The following RAPH1 variants were observed in gnomAD, a reference collection of about 807,000 sequenced individuals.
The protein encoded by RAPH1 is ras-associated and pleckstrin homology domains-containing protein 1.
Under a neutral mutation model 88.1 loss-of-function variants are expected in RAPH1, and 18 were observed. The ratio of observed to expected loss-of-function variants is 0.20; its 90% CI spans 0.14 to 0.30. RAPH1 has a LOEUF of 0.30. Ranked by LOEUF, RAPH1 falls within the 10% of genes least tolerant of loss-of-function variation. RAPH1 has a pLI of 1.00. For missense variants in RAPH1, 1,448 were observed against 1,543.2 expected, an observed-to-expected ratio of 0.94 and a Z score of 1.03; for synonymous variants, 587 against 559.0, an observed-to-expected ratio of 1.05 and a Z score of -0.71.
At chr2:203,471,946 G>A (rs535973688) in intron 4 of RAPH1, among the ~76,000 whole-genome samples, 1 of 152,190 alleles carries the variant, frequency 6.6e-6, no homozygotes, top group South Asian at 2.1e-4. Flanking sequence ...ACTAGATTGT[G>A]TAGTCCTCCT....
chr2:203,442,102 G>A, intron 13 of RAPH1: 3 of 1,587,198 alleles, frequency 1.9e-6, no homozygotes, highest in Non-Finnish European at 2.6e-6. Context: ...ATAAAGAAAT[G>A]CTTTGTAAAC....
At position 203,435,600 on chromosome 2, in the gene RAPH1, T is replaced by C. The variant is rs1294376166; in HGVS notation, c.*3837A>G. The C allele has an allele frequency of 1.3e-5, 2 of 152,236 alleles. No homozygotes were observed. Among genetic ancestry groups the C allele is most frequent in the African/African-American group, 4.8e-5 (2 of 41,552 alleles). The allele number at this position is 152,236 out of a possible 1,614,324, so 9.4% of individuals were successfully genotyped here. On this transcript the variant is annotated 3_prime_UTR_variant, in exon 14 of 14. Transcript: ENST00000319170. ...AACAGTCACCCTCTCGTCAAGTGTA[T>C]GACCCAATTATACCTATTTTATGAA...
intron 1 of RAPH1, among the ~76,000 whole-genome samples, chr2:203,506,792 ATC>A (rs1268281595): frequency 1.6e-5 from 2 of 123,976 alleles, no homozygotes; most frequent in Admixed American, 8.7e-5. Flanking sequence ...AGATATATAT[ATC>A]TATATATATA....
intron 1 of RAPH1, among the ~76,000 whole-genome samples, chr2:203,508,978 A>T (rs867242368): frequency 6.6e-6 from 1 of 151,956 alleles, no homozygotes; most frequent in East Asian, 1.9e-4. Context: ...TAACCTTTTT[A>T]GCTTATTTAT....
At chr2:203,497,451 G>C (rs1198258495) in intron 1 of RAPH1, among the ~76,000 whole-genome samples, 2 of 152,146 alleles carry the variant, frequency 1.3e-5, no homozygotes, top group Non-Finnish European at 1.5e-5. Flanking sequence ...GTATCATCAA[G>C]TTAAATTTTC....
At chr2:203,479,815 T>C (rs539177491) in intron 4 of RAPH1, among the ~76,000 whole-genome samples, 9 of 152,128 alleles carry the variant, frequency 5.9e-5, no homozygotes, top group South Asian at 2.1e-4. Context: ...AAAGGGATTA[T>C]AGAATAATAT....
At chr2:203,528,064 A>G (rs577635595) in intron 1 of RAPH1, among the ~76,000 whole-genome samples, 1 of 152,318 alleles carries the variant, frequency 6.6e-6, no homozygotes, top group Non-Finnish European at 1.5e-5. Context: ...GTGCAATTTA[A>G]AGATGAAGTA....
At chr2:203,470,780 T>C (rs1450932501) in intron 4 of RAPH1, among the ~76,000 whole-genome samples, 1 of 152,226 alleles carries the variant, frequency 6.6e-6, no homozygotes, top group Non-Finnish European at 1.5e-5. Flanking sequence ...TATCCAAGTA[T>C]TTCTGATCAA....
At chr2:203,526,784 C>G (rs1581414655) in intron 1 of RAPH1, among the ~76,000 whole-genome samples, 1 of 142,180 alleles carries the variant, frequency 7.0e-6, no homozygotes, top group South Asian at 2.2e-4. Flanking sequence ...AACAATTTTT[C>G]TTTTTCTTTT....
At chr2:203,451,188 C>T (rs2098514606) in intron 10 of RAPH1, among the ~76,000 whole-genome samples, 1 of 152,120 alleles carries the variant, frequency 6.6e-6, no homozygotes, top group Non-Finnish European at 1.5e-5. Context: ...TCTGCTAATA[C>T]ATTATTTTAT....
At chr2:203,506,885 T>TATAG (rs1689105437) in intron 1 of RAPH1, among the ~76,000 whole-genome samples, 1 of 108,830 alleles carries the variant, frequency 9.2e-6, no homozygotes. Flanking sequence ...TATATAGATA[T>TATAG]ATATATATAT....
At position 203,447,855 on chromosome 2, in the gene RAPH1, C is replaced by G; in HGVS notation, c.1633+104G>C. ...ATTATAATTTAGGAATTAAGTATGG[C>G]TCCGGTTTTTAAGAATCAAGTTGAA... On this transcript the variant is annotated intron_variant, in intron 12 of 13. Transcript: ENST00000319170. 7.5e-6 allele frequency: 9 copies of G among 1,206,090 alleles called. No individual in the cohort carries two copies. The South Asian group carries it at 1.1e-4, about 15-fold the overall frequency. 74.7% of individuals were successfully genotyped at this position (1,206,090 alleles called of 1,614,324 possible). A position where few individuals can be genotyped will look rare whatever the true frequency, so the allele number is the denominator to read the frequency against.
At position 203,461,929 on chromosome 2, in the gene RAPH1, T is replaced by G. The variant is rs754594691; in HGVS notation, c.733-4A>C. Reference sequence around the variant, plus strand: ...TCAATTTTGCTGCCTGTTCTTCCTGTGAACACAAAGCATTTCAGATAAACA... The same window carrying G: ...TCAATTTTGCTGCCTGTTCTTCCTGGGAACACAAAGCATTTCAGATAAACA... On this transcript the variant is annotated splice_region_variant and splice_polypyrimidine_tract_variant and intron_variant, in intron 4 of 13. Coordinates refer to ENST00000319170, the MANE Select transcript of RAPH1 (RefSeq NM_213589.3). The G allele has an allele frequency of 1.6e-5, 25 of 1,605,154 alleles. No individual in the cohort carries two copies. Among genetic ancestry groups the G allele is most frequent in the Non-Finnish European group, 2.1e-5 (25 of 1,175,466 alleles).
intron 1 of RAPH1, among the ~76,000 whole-genome samples, chr2:203,503,021 G>C (rs1250856922): frequency 6.6e-6 from 1 of 151,888 alleles, no homozygotes; most frequent in Non-Finnish European, 1.5e-5. Flanking sequence ...GCAGGCACCT[G>C]TAATCCCAGC....
intron 1 of RAPH1, among the ~76,000 whole-genome samples, chr2:203,512,786 G>A (rs1689411612): frequency 6.6e-6 from 1 of 151,890 alleles, no homozygotes. Context: ...ACCATGCCTG[G>A]CTAATTTTTT....
intron 1 of RAPH1, among the ~76,000 whole-genome samples, chr2:203,523,024 T>C (rs901890247): frequency 6.6e-6 from 1 of 151,456 alleles, no homozygotes; most frequent in Non-Finnish European, 1.5e-5. Context: ...GGCAAAAGGA[T>C]AGAGAATCAC....
chr2:203,495,319 C>G lies in RAPH1; in HGVS notation c.35G>C (p.Gly12Ala). 6.2e-7 allele frequency: 1 copy of G among 1,613,932 alleles called. No homozygotes were observed. Among genetic ancestry groups the G allele is most frequent in the Non-Finnish European group, 8.5e-7 (1 of 1,179,900 alleles). The change falls in exon 2 of 14, where the codon GGT becomes GCT. Residue 12 changes from glycine (G) to alanine (A), a missense_variant. Transcript: ENST00000319170. ...EQLSDEEIDH[G>A]AEEDSDKEDQ... is the part of the protein sequence containing the mutation. ...TTCCTTGTCACTGTCTTCTTCAGCA[C>G]CATGATCAATTTCTTCATCTGATAG...
intron 4 of RAPH1, among the ~76,000 whole-genome samples, chr2:203,467,653 C>T (rs2098529661): frequency 6.6e-6 from 1 of 152,032 alleles, no homozygotes. Flanking sequence ...CTTTTCATGT[C>T]CAAGGTCTCA....
At chr2:203,508,959 T>C (rs2105915615) in intron 1 of RAPH1, among the ~76,000 whole-genome samples, 1 of 152,266 alleles carries the variant, frequency 6.6e-6, no homozygotes, top group East Asian at 1.9e-4. Flanking sequence ...TTTGCCTTGC[T>C]TACTCAGTTA....
Sources: gnomAD v4.1 joint callset for allele counts (sites outside exome capture counted in the v4.1 genomes callset) on GRCh38, gnomAD v4.1.1 for gene constraint, MANE v1.5 for transcripts, NCBI Gene and HGNC (gene_info 2026-07-23, HGNC 2026-07-21) for gene names.